The following PARVA variants were observed in gnomAD, a reference collection of about 807,000 sequenced individuals.
PARVA encodes the protein parvin alpha.
Under a neutral mutation model 52.6 loss-of-function variants are expected in PARVA, and 25 were observed. The ratio of observed to expected loss-of-function variants is 0.48; its 90% CI spans 0.35 to 0.66. PARVA has a LOEUF of 0.66. PARVA is among the 30% of genes least tolerant of loss of function. The pLI, the probability that PARVA is intolerant of heterozygous loss-of-function variation, is 0.01. For synonymous variants in PARVA, 185 were observed against 179.1 expected (o/e 1.03, Z -0.26); for missense variants, 373 against 450.9 (o/e 0.83, Z 1.56).
intron 4 of PARVA, among the ~76,000 whole-genome samples, chr11:12,484,109 G>A (rs1311129635): frequency 6.6e-6 from 1 of 152,222 alleles, no homozygotes; most frequent in Non-Finnish European, 1.5e-5. Context: ...GTATGTCCAT[G>A]GTCACCTGGT....
At chr11:12,523,530 T>G (rs1228812663) in intron 12 of PARVA, among the ~76,000 whole-genome samples, 1 of 152,160 alleles carries the variant, frequency 6.6e-6, no homozygotes, top group Non-Finnish European at 1.5e-5. Flanking sequence ...AGAGAGTTCC[T>G]CTCTTTCCTT....
intron 1 of PARVA, among the ~76,000 whole-genome samples, chr11:12,456,146 T>G (rs1940690569): frequency 6.6e-6 from 1 of 152,240 alleles, no homozygotes; most frequent in Admixed American, 6.5e-5. Flanking sequence ...CACTGGGCAG[T>G]CCTTCCCTCC....
At chr11:12,526,548 G>A (rs1207317835) in intron 12 of PARVA, among the ~76,000 whole-genome samples, 1 of 152,032 alleles carries the variant, frequency 6.6e-6, no homozygotes, top group Non-Finnish European at 1.5e-5. Context: ...TTTACCAAGC[G>A]AGCCAGCACG....
intron 1 of PARVA, among the ~76,000 whole-genome samples, chr11:12,397,302 A>G (rs1486667229): frequency 6.6e-6 from 1 of 152,194 alleles, no homozygotes; most frequent in Non-Finnish European, 1.5e-5. Context: ...GGCTCAAGCA[A>G]TCCCTCTGCC....
chr11:12,396,591 G>A (rs1364056297), intron 1 of PARVA, among the ~76,000 whole-genome samples: 1 of 152,214 alleles, frequency 6.6e-6, no homozygotes, highest in South Asian at 2.1e-4. Context: ...TGATACTTGT[G>A]AAGTGTTTAA....
chr11:12,431,897 T>C (rs1041303033), intron 1 of PARVA, among the ~76,000 whole-genome samples: 2 of 152,212 alleles, frequency 1.3e-5, no homozygotes, highest in East Asian at 1.9e-4. Flanking sequence ...CTAGCAGTTG[T>C]TGGAAATTCC....
intron 1 of PARVA, among the ~76,000 whole-genome samples, chr11:12,383,384 G>T (rs1489450110): frequency 6.6e-6 from 1 of 152,220 alleles, no homozygotes; most frequent in African/African-American, 2.4e-5. Context: ...TAGGCCAGCA[G>T]CACTGGTCAT....
At chr11:12,377,473 G>GGAGGGAGC, upstream of PARVA, 1 of 1,408,194 alleles carries the variant, frequency 7.1e-7, no homozygotes, top group South Asian at 1.6e-5. Flanking sequence ...GCGGCGCGAG[G>GGAGGGAGC]GAGGGAGCGA....
chr11:12,448,424 C>CATCT (rs780608715), intron 1 of PARVA, among the ~76,000 whole-genome samples: 1 of 152,260 alleles, frequency 6.6e-6, no homozygotes. Context: ...GGATGATGCT[C>CATCT]AGATGTCCAG....
intron 1 of PARVA, chr11:12,452,958 T>A (rs1171766560): frequency 4.4e-6 from 2 of 454,606 alleles, no homozygotes; most frequent in Admixed American, 4.7e-5. Flanking sequence ...AGGGAGGGGG[T>A]CAGCTCTGGG....
At chr11:12,385,116 G>C (rs529814982) in intron 1 of PARVA, among the ~76,000 whole-genome samples, 2 of 152,174 alleles carry the variant, frequency 1.3e-5, no homozygotes, top group South Asian at 4.2e-4. Flanking sequence ...TGGGTGGTTT[G>C]CTTGAGCTCA....
intron 1 of PARVA, among the ~76,000 whole-genome samples, chr11:12,384,913 G>A (rs775477175): frequency 1.3e-5 from 2 of 152,124 alleles, no homozygotes; most frequent in Admixed American, 6.5e-5. Context: ...GGGAAGGCTC[G>A]GGAAGACTTT....
chr11:12,376,717 A>G (rs567750167), upstream of PARVA: 2 of 984,606 alleles, frequency 2.0e-6, no homozygotes, highest in Admixed American at 6.1e-5. Flanking sequence ...AAAGAGCCAG[A>G]GTGAGAACTT....
intron 1 of PARVA, among the ~76,000 whole-genome samples, chr11:12,418,604 T>G (rs1478064406): frequency 6.6e-6 from 1 of 152,188 alleles, no homozygotes; most frequent in Admixed American, 6.5e-5. Flanking sequence ...TGATGACTGC[T>G]TGATTCTCTA....
intron 1 of PARVA, among the ~76,000 whole-genome samples, chr11:12,430,624 A>T (rs1339539414): frequency 1.3e-5 from 2 of 152,128 alleles, no homozygotes; most frequent in Non-Finnish European, 2.9e-5. Context: ...CTTATTACTC[A>T]CATGAATCAT....
intron 1 of PARVA, among the ~76,000 whole-genome samples, chr11:12,403,522 T>G (rs563054581): frequency 2.6e-5 from 4 of 152,374 alleles, no homozygotes; most frequent in African/African-American, 7.2e-5. Context: ...GCAGGTCAAA[T>G]ACTTGAGGTA....
chr11:12,517,842 G>C, intron 11 of PARVA, 131 bp downstream of exon 11: 2 of 656,954 alleles, frequency 3.0e-6, no homozygotes, highest in Admixed American at 2.4e-5. Flanking sequence ...GTGCCTGGAG[G>C]TGGGACCCAT....
chr11:12,518,620 G>T, intron 12 of PARVA, 103 bp downstream of exon 12: 1 of 846,588 alleles, frequency 1.2e-6, no homozygotes, highest in Non-Finnish European at 2.0e-6. Context: ...TGAAGCCTTC[G>T]TTGCTGGGGA....
At chr11:12,526,594 G>A (rs899678149) in intron 12 of PARVA, among the ~76,000 whole-genome samples, 6 of 152,068 alleles carry the variant, frequency 3.9e-5, no homozygotes, top group Admixed American at 2.6e-4. Context: ...AAGTAATGCC[G>A]GCTCCCAAGA....
Sources: allele counts gnomAD v4.1 joint callset (sites outside exome capture counted in the v4.1 genomes callset), GRCh38; gene constraint gnomAD v4.1.1; transcripts MANE v1.5; gene names NCBI Gene and HGNC (gene_info 2026-07-23, HGNC 2026-07-21).